Variants in BRINP2 observed in about 807,000 individuals in gnomAD.
BRINP2 encodes the protein BMP/retinoic acid inducible neural specific 2, also known as BMP/retinoic acid-inducible neural-specific protein 2.
BRINP2 carries 21 observed loss-of-function variants against 69.2 expected under a neutral mutation model. The ratio of observed to expected loss-of-function variants is 0.30; its 90% CI spans 0.22 to 0.44. The LOEUF (loss-of-function observed/expected upper bound fraction) is 0.44, where lower values mean the gene tolerates loss of function less well. BRINP2 is among the 20% of genes least tolerant of loss of function. The pLI is 1.00. For missense variants in BRINP2, 877 were observed against 986.0 expected, an observed-to-expected ratio of 0.89 and a Z score of 1.48; for synonymous variants, 380 against 394.1, an observed-to-expected ratio of 0.96 and a Z score of 0.42.
At position 177,170,991 on chromosome 1, in the gene BRINP2, G is replaced by T. The variant is rs1043526139; in HGVS notation, c.-818G>T. Among the ~76,000 whole-genome samples, 1 of 152,274 alleles carries T rather than the reference G, an allele frequency of 6.6e-6. No homozygotes were observed. Among genetic ancestry groups the T allele is most frequent in the Non-Finnish European group, 1.5e-5 (1 of 68,050 alleles). On this transcript the variant is annotated 5_prime_UTR_variant, in exon 1 of 8. Coordinates refer to ENST00000361539, the MANE Select transcript of BRINP2 (RefSeq NM_021165.4). ...AGGTGACACTGCTTAGGTACGGAGC[G>T]CGGAGTCGGAGCGGGGACGCGCCGG...
intron 4 of BRINP2, among the ~76,000 whole-genome samples, chr1:177,264,200 TTGACC>T (rs1434217232): frequency 6.6e-6 from 1 of 152,222 alleles, no homozygotes; most frequent in Non-Finnish European, 1.5e-5. Context: ...TTCCTGTTCC[TTGACC>T]TGACCAACTT....
At chr1:177,255,890 T>C (rs111825388) in intron 2 of BRINP2, 29 bp from the exon 3 acceptor site, 10 of 1,607,380 alleles carry the variant, frequency 6.2e-6, no homozygotes, top group African/African-American at 5.4e-5. Flanking sequence ...CGAGGTCAGC[T>C]TTTCCTTATC....
intron 4 of BRINP2, among the ~76,000 whole-genome samples, chr1:177,258,276 G>T (rs1048125685): frequency 1.3e-5 from 2 of 152,142 alleles, no homozygotes; most frequent in Non-Finnish European, 2.9e-5. Flanking sequence ...AAAATGTTAA[G>T]GTACTGAAAA....
chr1:177,177,105 T>C (rs1484326113), intron 1 of BRINP2, among the ~76,000 whole-genome samples: 1 of 152,024 alleles, frequency 6.6e-6, no homozygotes, highest in Non-Finnish European at 1.5e-5. Flanking sequence ...GGCATGGCCA[T>C]GTATTAAAGA....
chr1:177,233,126 C>T (rs1649913116), intron 2 of BRINP2, among the ~76,000 whole-genome samples: 1 of 152,138 alleles, frequency 6.6e-6, no homozygotes, highest in Non-Finnish European at 1.5e-5. Flanking sequence ...TTGGAGTATG[C>T]TCTAACTTTG....
chr1:177,280,367 G>C (rs1359959255), intron 7 of BRINP2, 45 bp from the exon 8 acceptor site: 1 of 1,534,292 alleles, frequency 6.5e-7, no homozygotes, highest in Non-Finnish European at 8.8e-7. Flanking sequence ...GTGTCAGTGT[G>C]TGACTTCTTT....
intron 1 of BRINP2, among the ~76,000 whole-genome samples, chr1:177,229,265 T>C (rs1197618423): frequency 2.0e-5 from 3 of 152,176 alleles, no homozygotes; most frequent in Non-Finnish European, 4.4e-5. Flanking sequence ...CCACAGTCAC[T>C]CAGCTTCACA....
intron 4 of BRINP2, among the ~76,000 whole-genome samples, chr1:177,272,637 C>T (rs928747675): frequency 2.0e-5 from 3 of 152,124 alleles, no homozygotes; most frequent in East Asian, 1.9e-4. Context: ...GTGGGCTTCA[C>T]GATTAACTTC....
intron 1 of BRINP2, among the ~76,000 whole-genome samples, chr1:177,199,871 G>A (rs759325961): frequency 6.6e-6 from 1 of 152,116 alleles, no homozygotes; most frequent in Non-Finnish European, 1.5e-5. Context: ...AAAATATGTA[G>A]AGAATCTGAC....
chr1:177,217,586 C>G (rs1041049079), intron 1 of BRINP2, among the ~76,000 whole-genome samples: 1 of 151,850 alleles, frequency 6.6e-6, no homozygotes, highest in Admixed American at 6.6e-5. Flanking sequence ...ATCCTTGTAT[C>G]GGTGTTTATG....
intron 1 of BRINP2, among the ~76,000 whole-genome samples, chr1:177,215,168 T>A (rs973578803): frequency 6.6e-6 from 1 of 152,332 alleles, no homozygotes; most frequent in Admixed American, 6.5e-5. Context: ...TGTCTTTCTG[T>A]ATTTGGTCTA....
intron 1 of BRINP2, among the ~76,000 whole-genome samples, chr1:177,220,333 T>C (rs1649487930): frequency 6.6e-6 from 1 of 152,134 alleles, no homozygotes; most frequent in Admixed American, 6.5e-5. Context: ...ATTTGGATCA[T>C]AGGGGCAGAT....
At chr1:177,177,659 C>T (rs1214538470) in intron 1 of BRINP2, among the ~76,000 whole-genome samples, 1 of 152,072 alleles carries the variant, frequency 6.6e-6, no homozygotes, top group Non-Finnish European at 1.5e-5. Flanking sequence ...AACTACTCTA[C>T]TTACTGTTCG....
In BRINP2 at chr1:177,280,904, C is replaced by T. The variant is rs145369948; in HGVS notation, c.1728C>T (p.Leu576=). The T allele has an allele frequency of 6.2e-6, 10 of 1,614,084 alleles. No individual in the cohort carries two copies. In the Admixed American group the frequency reaches 1.0e-4, roughly 16 times the overall value. ...TGGCCTTGTCCTTGCAGATCTGTCT[C>T]ACCAAGAACAGCACCCTGGAGCCTG... The part of the protein sequence containing the change: ...VMLALSLQIC[L]TKNSTLEPVM... The change falls in exon 8 of 8, where the codon CTC becomes CTT. Residue 576 remains leucine (L), a synonymous_variant. Coordinates refer to ENST00000361539, the MANE Select transcript of BRINP2 (RefSeq NM_021165.4).
At chr1:177,259,397 A>T (rs1222900979) in intron 4 of BRINP2, among the ~76,000 whole-genome samples, 1 of 152,190 alleles carries the variant, frequency 6.6e-6, no homozygotes, top group Non-Finnish European at 1.5e-5. Context: ...ATACAAGCAC[A>T]AGATGAAGCA....
intron 1 of BRINP2, among the ~76,000 whole-genome samples, chr1:177,196,812 T>C (rs1042982025): frequency 2.0e-5 from 3 of 152,222 alleles, no homozygotes; most frequent in African/African-American, 7.2e-5. Context: ...CTCAAAGTCA[T>C]TTAGAGACTA....
intron 2 of BRINP2, among the ~76,000 whole-genome samples, chr1:177,253,326 G>A (rs1325724227): frequency 6.6e-6 from 1 of 151,876 alleles, no homozygotes; most frequent in Non-Finnish European, 1.5e-5. Flanking sequence ...TCATATACCT[G>A]CTGGCCATTT....
intron 1 of BRINP2, among the ~76,000 whole-genome samples, chr1:177,183,137 CTTTTTTTT>C (rs71129597): frequency 3.7e-5 from 2 of 54,302 alleles, no homozygotes; most frequent in African/African-American, 1.5e-4. Flanking sequence ...AGTGTGTGAG[CTTTTTTTT>C]TTTTTTTTTT....
At chr1:177,280,310 A>C (rs1651647006) in intron 7 of BRINP2, 102 bp from the exon 8 acceptor site, 1 of 1,210,528 alleles carries the variant, frequency 8.3e-7, no homozygotes. Flanking sequence ...TATTTTCCTC[A>C]TTGCCTTCCA....
Sources: allele counts gnomAD v4.1 joint callset (sites outside exome capture counted in the v4.1 genomes callset), GRCh38; gene constraint gnomAD v4.1.1; transcripts MANE v1.5; gene names NCBI Gene and HGNC (gene_info 2026-07-23, HGNC 2026-07-21).